Variants in CDH8 observed in about 807,000 individuals in gnomAD.
CDH8 encodes the protein cadherin 8, also known as cadherin-8.
CDH8 carries 17 observed loss-of-function variants against 68.1 expected under a neutral mutation model. The ratio of observed to expected loss-of-function variants is 0.25; its 90% CI spans 0.17 to 0.37. The LOEUF is 0.37. Ranked by LOEUF, CDH8 falls within the 10% of genes least tolerant of loss-of-function variation. The pLI is 1.00. For synonymous variants in CDH8, 372 were observed against 365.1 expected, an observed-to-expected ratio of 1.02 and a Z score of -0.21; for missense variants, 763 against 999.3, an observed-to-expected ratio of 0.76 and a Z score of 3.19.
intron 2 of CDH8, among the ~76,000 whole-genome samples, chr16:61,915,462 A>C (rs1964224076): frequency 6.6e-6 from 1 of 152,218 alleles, no homozygotes; most frequent in Non-Finnish European, 1.5e-5. Context: ...AAGTGATAAA[A>C]AAATGATTCA....
Position 61,821,132 on chromosome 16 carries a change from C to A in CDH8, c.836-19G>T, listed in dbSNP as rs1275417772. 1.9e-6 allele frequency: 3 copies of A among 1,576,620 alleles called. No homozygotes were observed. Among genetic ancestry groups the A allele is most frequent in the South Asian group, 1.1e-5 (1 of 87,376 alleles). On this transcript the variant is annotated intron_variant, in intron 5 of 11. Coordinates refer to ENST00000577390, the MANE Select transcript of CDH8 (RefSeq NM_001796.5). ...TACAGGCCTTTAAAAAGAGGAGAAA[C>A]AATGAGAGTCACACAAATTCCAACC...
intron 1 of CDH8, among the ~76,000 whole-genome samples, chr16:62,029,768 T>C (rs148292522): frequency 2.0e-4 from 31 of 152,322 alleles, no homozygotes; most frequent in African/African-American, 7.2e-4. Context: ...TCTCTACTAA[T>C]TCCAAGATGA....
In CDH8 at chr16:61,648,703, A is replaced by T. The variant is rs1333851500; in HGVS notation, c.*4905T>A. 1 of 151,930 alleles carries T rather than the reference A, an allele frequency of 6.6e-6. No individual in the cohort carries two copies. The highest frequency in any genetic ancestry group is 2.4e-5 in the African/African-American group (1 of 41,416). The allele number at this position is 151,930 out of a possible 1,614,324, so 9.4% of individuals were successfully genotyped here. A position where few individuals can be genotyped will look rare whatever the true frequency, so the allele number is the denominator to read the frequency against. ...AAGTTTGAGAATGCTACTGTATTTA[A>T]TCTTTCTGTATCAACCATGTAGCTT... On this transcript the variant is annotated 3_prime_UTR_variant, in exon 12 of 12. Transcript: ENST00000577390.
rs531490566 is a variant in CDH8, at chr16:61,741,821, AT to A, written c.1415-14607del. Reference sequence around the variant, plus strand: ...TTTGGTTCTTGGTAAATATTTTATTATTTTTGCCCTTTAAATTTCTATGCAC... The same window carrying A: ...TTTGGTTCTTGGTAAATATTTTATTATTTTGCCCTTTAAATTTCTATGCAC... On this transcript the variant is annotated intron_variant, in intron 8 of 11. Coordinates refer to ENST00000577390, the MANE Select transcript of CDH8 (RefSeq NM_001796.5). Among the ~76,000 whole-genome samples, 415 of 152,184 alleles carry A rather than the reference AT, an allele frequency of 2.7e-3. 2 individuals are homozygous for A. The highest frequency in any genetic ancestry group is 6.4e-3 in the South Asian group (31 of 4,828).
chr16:61,752,767 A>G (rs1596933224), intron 8 of CDH8, among the ~76,000 whole-genome samples: 1 of 152,240 alleles, frequency 6.6e-6, no homozygotes, highest in Non-Finnish European at 1.5e-5. Context: ...GATACAGTGC[A>G]TGCTACAAGT....
chr16:61,762,604 C>T (rs1386333077), intron 8 of CDH8, among the ~76,000 whole-genome samples: 12 of 152,024 alleles, frequency 7.9e-5, no homozygotes, highest in African/African-American at 1.2e-4. Flanking sequence ...TTCTCAGGCC[C>T]CAAACAAGAC....
chr16:61,909,748 G>T (rs928922576), intron 2 of CDH8, among the ~76,000 whole-genome samples: 2 of 152,124 alleles, frequency 1.3e-5, no homozygotes, highest in African/African-American at 4.8e-5. Context: ...ACATGGTCTA[G>T]GCACCTTCTG....
intron 3 of CDH8, among the ~76,000 whole-genome samples, chr16:61,872,356 G>A (rs892282837): frequency 1.3e-5 from 2 of 152,082 alleles, no homozygotes; most frequent in East Asian, 1.9e-4. Flanking sequence ...TGCATTTTAC[G>A]GAGACATGAG....
In CDH8 at chr16:61,797,069, C is replaced by T. The variant is rs188779424; in HGVS notation, c.1278-7587G>A. On this transcript the variant is annotated intron_variant, in intron 7 of 11. Transcript: ENST00000577390. ...GCATACATTTCATACTGATATTTGG[C>T]ACAAAAATTCCACCTCTTTCTGTGT... 8.5e-5 allele frequency among the ~76,000 whole-genome samples: 13 copies of T among 152,104 alleles called. 1 individual carries two copies. In the South Asian group the frequency reaches 2.1e-3, roughly 24 times the overall value.
At chr16:61,908,709 T>C (rs949777621) in intron 2 of CDH8, among the ~76,000 whole-genome samples, 4 of 152,114 alleles carry the variant, frequency 2.6e-5, no homozygotes, top group African/African-American at 9.7e-5. Flanking sequence ...CTGCACCACA[T>C]AATTGGGAAA....
At chr16:61,855,965 C>T (rs762487902) in intron 4 of CDH8, among the ~76,000 whole-genome samples, 13 of 152,110 alleles carry the variant, frequency 8.5e-5, no homozygotes, top group Non-Finnish European at 1.8e-4. Context: ...ATGTGTTTTA[C>T]AAGAGTTCTT....
intron 10 of CDH8, among the ~76,000 whole-genome samples, chr16:61,687,713 C>T (rs550137077): frequency 1.4e-4 from 22 of 152,046 alleles, no homozygotes; most frequent in African/African-American, 5.3e-4. Context: ...ATCTGGTTTT[C>T]CATCTATCCA....
chr16:62,007,256 C>A (rs1965990827), intron 2 of CDH8, among the ~76,000 whole-genome samples: 1 of 152,140 alleles, frequency 6.6e-6, no homozygotes, highest in South Asian at 2.1e-4. Context: ...TGTCCAAGGG[C>A]TTACCCATAT....
chr16:61,711,087 G>A (rs1596888658), intron 10 of CDH8, among the ~76,000 whole-genome samples: 1 of 151,948 alleles, frequency 6.6e-6, no homozygotes, highest in Non-Finnish European at 1.5e-5. Context: ...ATTGAAGGTT[G>A]CTTTCCTATT....
At chr16:61,751,382 T>TTA (rs377415781) in intron 8 of CDH8, among the ~76,000 whole-genome samples, 1 of 54,138 alleles carries the variant, frequency 1.8e-5, no homozygotes, top group Admixed American at 3.1e-4. Context: ...ATATTCTCCT[T>TTA]AAAAAAAAAA....
intron 8 of CDH8, among the ~76,000 whole-genome samples, chr16:61,780,467 A>G (rs1961020882): frequency 6.6e-6 from 1 of 152,250 alleles, no homozygotes; most frequent in Non-Finnish European, 1.5e-5. Context: ...AAGAGATAAC[A>G]GATGGACTTT....
In CDH8 at chr16:61,735,391, A is replaced by G. The variant is rs915203931; in HGVS notation, c.1415-8176T>C. 2.0e-4 allele frequency among the ~76,000 whole-genome samples: 30 copies of G among 152,182 alleles called. 1 individual carries two copies. The highest frequency in any genetic ancestry group is 5.5e-4 in the African/African-American group (23 of 41,460). On this transcript the variant is annotated intron_variant, in intron 8 of 11. Transcript: ENST00000577390. ...ATATGCGACATTAATGTGGTTGTGC[A>G]TAATTATTTGAATTCATTCTTCAAA...
At chr16:61,743,908 T>G (rs2142930797) in intron 8 of CDH8, among the ~76,000 whole-genome samples, 1 of 152,278 alleles carries the variant, frequency 6.6e-6, no homozygotes, top group East Asian at 1.9e-4. Flanking sequence ...TTTTTTCCTC[T>G]GTTTTTCATG....
intron 1 of CDH8, among the ~76,000 whole-genome samples, chr16:62,026,280 A>G (rs950808856): frequency 6.6e-6 from 1 of 152,256 alleles, no homozygotes; most frequent in Admixed American, 6.5e-5. Flanking sequence ...ATTAACGTGC[A>G]TCCAAATTAC....
Sources: allele counts gnomAD v4.1 joint callset (sites outside exome capture counted in the v4.1 genomes callset), GRCh38; gene constraint gnomAD v4.1.1; transcripts MANE v1.5; gene names NCBI Gene and HGNC (gene_info 2026-07-23, HGNC 2026-07-21).